CAMTA1: variants seen among roughly 807,000 people sequenced by gnomAD.
The protein encoded by CAMTA1 is calmodulin-binding transcription activator 1.
CAMTA1 carries 27 observed loss-of-function variants against 170.9 expected under a neutral mutation model. The ratio of observed to expected loss-of-function variants is 0.16; its 90% CI spans 0.12 to 0.22. The LOEUF (loss-of-function observed/expected upper bound fraction) is 0.22. CAMTA1 is among the 10% of genes least tolerant of loss of function. The pLI is 1.00. For synonymous variants in CAMTA1, 833 were observed against 891.5 expected (o/e 0.93, Z 1.17); for missense variants, 1,619 against 2,217.2 (o/e 0.73, Z 5.42).
chr1:7,493,322 C>T (rs1196647071), intron 6 of CAMTA1, among the ~76,000 whole-genome samples: 1 of 149,100 alleles, frequency 6.7e-6, no homozygotes, highest in Non-Finnish European at 1.5e-5. Flanking sequence ...CACAAACAAA[C>T]CTACGTACAC....
In CAMTA1 at chr1:7,680,818, G is replaced by A. The variant is rs1036487905; in HGVS notation, c.2914+3085G>A. On this transcript the variant is annotated intron_variant, in intron 11 of 22. Coordinates refer to ENST00000303635, the MANE Select transcript of CAMTA1 (RefSeq NM_015215.4). The surrounding 1 kb of genome is among the most constrained non-coding windows in gnomAD (Gnocchi z 4.4). ...TTGCTTGGCTAAAGGCCGGGGGGGG[G>A]CGTGGGTCCGGGGCGCAGAGAACAC... Among the ~76,000 whole-genome samples the A allele has an allele frequency of 1.7e-4, 26 of 149,910 alleles. No homozygotes were observed. Among genetic ancestry groups the A allele is most frequent in the African/African-American group, 5.4e-4 (22 of 41,070 alleles).
intron 6 of CAMTA1, among the ~76,000 whole-genome samples, chr1:7,506,472 C>T (rs1296274023): frequency 6.6e-6 from 1 of 152,200 alleles, no homozygotes; most frequent in Middle Eastern, 3.4e-3. Flanking sequence ...CATACTAACA[C>T]TCAAAATTCA....
intron 6 of CAMTA1, among the ~76,000 whole-genome samples, chr1:7,604,951 A>T (rs941202139): frequency 4.6e-5 from 7 of 152,046 alleles, no homozygotes; most frequent in Non-Finnish European, 1.5e-5. Flanking sequence ...TCCACTCCAG[A>T]CCCTGTTTGC....
chr1:7,265,328 A>G (rs1008354602), intron 5 of CAMTA1, among the ~76,000 whole-genome samples: 5 of 151,924 alleles, frequency 3.3e-5, no homozygotes, highest in African/African-American at 1.2e-4. Flanking sequence ...TTTTTATTTG[A>G]GACAGAGTCT....
At chr1:7,546,843 C>T (rs2094700333) in intron 6 of CAMTA1, among the ~76,000 whole-genome samples, 1 of 152,182 alleles carries the variant, frequency 6.6e-6, no homozygotes, top group Non-Finnish European at 1.5e-5. Context: ...CCATTTTACT[C>T]ATGACTGGTG....
intron 6 of CAMTA1, among the ~76,000 whole-genome samples, chr1:7,612,114 G>C (rs538777637): frequency 6.6e-6 from 1 of 152,332 alleles, no homozygotes; most frequent in Admixed American, 6.5e-5. Flanking sequence ...TCAGTGGAGA[G>C]TCAGGATGAC....
At chr1:7,718,055 G>A (rs989830633) in intron 11 of CAMTA1, among the ~76,000 whole-genome samples, 7 of 152,146 alleles carry the variant, frequency 4.6e-5, no homozygotes, top group Admixed American at 6.5e-5. Context: ...TTCTCTTTAC[G>A]TTCATGTATA....
In CAMTA1 at chr1:7,716,035, GTTTTA is replaced by G. The variant is rs1164000320; in HGVS notation, c.2915-16408_2915-16404del. The stretch of plus-strand genomic sequence containing the variant: ...ATGAATTATAAAATTGTTTTGCTTT[GTTTTA>G]TTTTGTTTTTGAAACAGGGTCTCAC... On this transcript the variant is annotated intron_variant, in intron 11 of 22. Transcript: ENST00000303635. Among the ~76,000 whole-genome samples the G allele has an allele frequency of 3.9e-5, 6 of 152,090 alleles. No homozygotes were observed. The East Asian group carries it at 1.2e-3, about 29-fold the overall frequency.
chr1:6,864,967 A>G (rs920284110), intron 3 of CAMTA1, among the ~76,000 whole-genome samples: 2 of 152,080 alleles, frequency 1.3e-5, no homozygotes, highest in East Asian at 1.9e-4. Flanking sequence ...GAAATTTTTT[A>G]AAAATTAAAA....
intron 3 of CAMTA1, among the ~76,000 whole-genome samples, chr1:6,936,998 CAAAA>C (rs1332907264): frequency 6.6e-6 from 1 of 151,378 alleles, no homozygotes; most frequent in Admixed American, 6.6e-5. Context: ...AAAAAAAAGA[CAAAA>C]AAAACAGAGA....
chr1:6,860,925 A>C (rs893008282), intron 3 of CAMTA1, among the ~76,000 whole-genome samples: 3 of 151,180 alleles, frequency 2.0e-5, no homozygotes, highest in African/African-American at 7.3e-5. Flanking sequence ...AAAACAAAAC[A>C]AAAAAACCAA....
At chr1:7,753,390 G>A (rs1298089400) in intron 21 of CAMTA1, among the ~76,000 whole-genome samples, 4 of 152,198 alleles carry the variant, frequency 2.6e-5, no homozygotes, top group Non-Finnish European at 5.9e-5. Context: ...GTGTGGTTGG[G>A]TTGTTGCTCT....
intron 4 of CAMTA1, among the ~76,000 whole-genome samples, chr1:7,100,928 G>A (rs879472884): frequency 1.3e-5 from 2 of 152,158 alleles, no homozygotes; most frequent in African/African-American, 2.4e-5. Context: ...CAGAGGCTTC[G>A]TGCCAGGGTG....
intron 6 of CAMTA1, among the ~76,000 whole-genome samples, chr1:7,631,565 T>G (rs527748021): frequency 1.3e-5 from 2 of 152,270 alleles, no homozygotes; most frequent in East Asian, 3.9e-4. Flanking sequence ...GTATGTGCTG[T>G]GGGTCCAGGC....
intron 3 of CAMTA1, among the ~76,000 whole-genome samples, chr1:6,957,439 A>G (rs1252906359): frequency 6.6e-6 from 1 of 152,140 alleles, no homozygotes; most frequent in Admixed American, 6.5e-5. Flanking sequence ...TTTAAAATCA[A>G]GGTGTTGGCA....
intron 3 of CAMTA1, among the ~76,000 whole-genome samples, chr1:6,891,925 C>T (rs535710942): frequency 1.3e-5 from 2 of 152,242 alleles, no homozygotes; most frequent in Middle Eastern, 3.4e-3. Flanking sequence ...TTTCATGAAC[C>T]TGAATGTTGT....
At chr1:7,337,666 C>CAATCACAATGTGGGCGGTGGGCCTCATCT (rs1452335668) in intron 5 of CAMTA1, among the ~76,000 whole-genome samples, 12 of 152,130 alleles carry the variant, frequency 7.9e-5, no homozygotes, top group South Asian at 4.2e-4. Context: ...GGGCCTCATC[C>CAATCACAATGTGGGCGGTGGGCCTCATCT]AATCACAATG....
chr1:7,022,216 C>G (rs964588575), intron 3 of CAMTA1, among the ~76,000 whole-genome samples: 3 of 152,216 alleles, frequency 2.0e-5, no homozygotes, highest in Non-Finnish European at 4.4e-5. Context: ...GGCTCACAGG[C>G]AGTCACCCCC....
At chr1:6,791,287 A>G (rs1569855138) in intron 1 of CAMTA1, among the ~76,000 whole-genome samples, 1 of 152,130 alleles carries the variant, frequency 6.6e-6, no homozygotes, top group Non-Finnish European at 1.5e-5. Flanking sequence ...CCTTTTAGTA[A>G]GAAGGGGATG....
Sources: gnomAD v4.1 joint callset for allele counts (sites outside exome capture counted in the v4.1 genomes callset) on GRCh38, gnomAD v4.1.1 for gene constraint, Gnocchi (gnomAD v3.1) non-coding constraint, MANE v1.5 for transcripts, NCBI Gene and HGNC (gene_info 2026-07-23, HGNC 2026-07-21) for gene names.